Variants in CFAP70 observed in about 807,000 individuals in gnomAD.
CFAP70 encodes cilia- and flagella-associated protein 70.
In CFAP70, 81 loss-of-function variants were observed where a neutral mutation model predicts 137.6. That is an observed-to-expected ratio of 0.59 (90% confidence interval 0.49 to 0.71). The LOEUF (loss-of-function observed/expected upper bound fraction) is 0.71. Among genes scored for constraint, CFAP70 ranks in the 30% least tolerant of loss-of-function variants. CFAP70 has a pLI of 0.00. For synonymous variants in CFAP70, 382 were observed against 423.6 expected (o/e 0.90, Z 1.20); for missense variants, 976 against 1,226.7 (o/e 0.80, Z 3.05).
At chr10:73,350,985 ATATATATGTGTG>A (rs1564889086) in intron 3 of CFAP70, among the ~76,000 whole-genome samples, 1 of 143,226 alleles carries the variant, frequency 7.0e-6, no homozygotes, top group Non-Finnish European at 1.5e-5. Flanking sequence ...GTGTGTGTGT[ATATATATGTGTG>A]TATATGTGTG....
chr10:73,341,255 A>C, intron 6 of CFAP70, 144 bp downstream of exon 7: 1 of 649,060 alleles, frequency 1.5e-6, no homozygotes, highest in Non-Finnish European at 2.5e-6. Context: ...AGATATTTGA[A>C]TCAGAATTAG....
chr10:73,288,661 T>G (rs2047932146), intron 19 of CFAP70, among the ~76,000 whole-genome samples: 1 of 152,190 alleles, frequency 6.6e-6, no homozygotes, highest in South Asian at 2.1e-4. Flanking sequence ...CCACATAATC[T>G]GAGTTCCTGG....
At chr10:73,297,234 GTC>G in intron 14 of CFAP70, 61 bp from the exon 16 acceptor site, 2 of 1,545,118 alleles carry the variant, frequency 1.3e-6, no homozygotes, top group South Asian at 2.5e-5. Flanking sequence ...GAGAGCACGG[GTC>G]TCTCTAGGGC....
rs2046631680 is a variant in CFAP70 at position 73,275,315 on chromosome 10, A to G, written c.2673+131T>C. 1 of 1,046,566 alleles carries G rather than the reference A, an allele frequency of 9.6e-7. No homozygotes were observed. Among genetic ancestry groups the G allele is most frequent in the Non-Finnish European group, 1.4e-6 (1 of 729,466 alleles). The allele number at this position is 1,046,566 out of a possible 1,614,324, so 64.8% of individuals were successfully genotyped here. A position where few individuals can be genotyped will look rare whatever the true frequency, so the allele number is the denominator to read the frequency against. On this transcript the variant is annotated intron_variant, in intron 22 of 26. Coordinates refer to ENST00000310715, the Ensembl canonical transcript of CFAP70. The surrounding 1 kb of genome is among the most constrained non-coding windows in gnomAD (Gnocchi z 4.0). ...ACTTAAGAAAAGCAAATGGAAGGGT[A>G]TAGAGAGATGAGTTTACTGACAGCT...
chr10:73,256,557 G>A, intron 25 of CFAP70, 141 bp from the exon 27 acceptor site: 1 of 804,078 alleles, frequency 1.2e-6, no homozygotes, highest in Non-Finnish European at 2.0e-6. Flanking sequence ...TCTGAATTGA[G>A]AGGAAAAACT....
intron 6 of CFAP70, 81 bp from the exon 8 acceptor site, chr10:73,335,605 G>T: frequency 1.1e-6 from 1 of 936,630 alleles, no homozygotes; most frequent in Non-Finnish European, 1.6e-6. Context: ...TCTTTTAATG[G>T]ATTTGTTCAC....
chr10:73,259,247 T>C (rs563091373), intron 25 of CFAP70, among the ~76,000 whole-genome samples: 1 of 152,308 alleles, frequency 6.6e-6, no homozygotes, highest in African/African-American at 2.4e-5. Flanking sequence ...AAAACCTACA[T>C]TGAAATATTG....
At chr10:73,328,325 T>C (rs2051688104) in intron 8 of CFAP70, among the ~76,000 whole-genome samples, 2 of 151,948 alleles carry the variant, frequency 1.3e-5, no homozygotes, top group Non-Finnish European at 2.9e-5. Flanking sequence ...TTACACCTTA[T>C]ACAAAAATTA....
intron 12 of CFAP70, among the ~76,000 whole-genome samples, chr10:73,308,294 C>T (rs1160018328): frequency 1.3e-5 from 2 of 151,974 alleles, no homozygotes; most frequent in Admixed American, 6.6e-5. Flanking sequence ...CAGGGTATAC[C>T]GTATGTCAGG....
chr10:73,259,852 G>A (rs1033323743), intron 25 of CFAP70, among the ~76,000 whole-genome samples: 32 of 151,990 alleles, frequency 2.1e-4, no homozygotes, highest in African/African-American at 7.7e-4. Context: ...GCAACATGGT[G>A]AGACTCTGTC....
At chr10:73,351,285 AT>A (rs1287900855) in intron 3 of CFAP70, among the ~76,000 whole-genome samples, 1 of 150,076 alleles carries the variant, frequency 6.7e-6, no homozygotes, top group Admixed American at 6.7e-5. Flanking sequence ...CACCCAGCTA[AT>A]TTTTTGTATT....
exon 20 of CFAP70, chr10:73,278,300 A>C (rs753803399): frequency 2.5e-6 from 4 of 1,614,036 alleles, no homozygotes; most frequent in Non-Finnish European, 3.4e-6. Context: ...AGGATTCTTC[A>C]AGAAATTTGT....
At chr10:73,267,356 T>C (rs1251958382) in intron 25 of CFAP70, among the ~76,000 whole-genome samples, 1 of 152,244 alleles carries the variant, frequency 6.6e-6, no homozygotes, top group Non-Finnish European at 1.5e-5. Flanking sequence ...TAGGCTAAAC[T>C]GGGCTTCTTC....
At chr10:73,362,141 G>A (rs1435224797), upstream of CFAP70, among the ~76,000 whole-genome samples, 1 of 152,132 alleles carries the variant, frequency 6.6e-6, no homozygotes, top group African/African-American at 2.4e-5. Flanking sequence ...TGATCTACTG[G>A]GATGTGGGAG....
chr10:73,345,175 T>C, intron 4 of CFAP70: 1 of 1,614,188 alleles, frequency 6.2e-7, no homozygotes, highest in Non-Finnish European at 8.5e-7. Flanking sequence ...TTCAGTAGAT[T>C]GCCCCCTGAG....
chr10:73,317,891 G>C (rs2050530114), intron 9 of CFAP70, among the ~76,000 whole-genome samples: 2 of 151,234 alleles, frequency 1.3e-5, no homozygotes, highest in African/African-American at 2.4e-5. Context: ...TCTCATAAAT[G>C]GCTTGGTGCT....
At chr10:73,323,013 G>A (rs772771453) in exon 9 of CFAP70, 20 of 1,613,406 alleles carry the variant, frequency 1.2e-5, no homozygotes, top group Middle Eastern at 1.6e-4. Flanking sequence ...AAAGCTCCCC[G>A]AATTCTCTTC....
At chr10:73,316,517 G>A (rs866132079) in intron 9 of CFAP70, among the ~76,000 whole-genome samples, 45 of 121,480 alleles carry the variant, frequency 3.7e-4, no homozygotes, top group African/African-American at 9.6e-4. Context: ...TATATATGAC[G>A]TACACATAAA....
chr10:73,275,447 A>G lies in CFAP70; in HGVS notation c.2672T>C (p.Leu891Pro). 1 of 1,598,062 alleles carries G rather than the reference A, an allele frequency of 6.3e-7. No homozygotes were observed. The highest frequency in any genetic ancestry group is 1.7e-4 in the Middle Eastern group (1 of 5,962). The change falls in exon 22 of 27, where the codon CTG (leucine) becomes CCG (proline). Residue 891 changes from leucine (L) to proline (P), a missense_variant and splice_region_variant. Transcript: ENST00000310715. This position sits in a 1 kb window ranked among gnomAD's most constrained non-coding sequence, Gnocchi z 4.0. ...AGAGGCTTTAGCAAAAGTCATTACC[A>G]GGTAGTCCATCTGGGCTGCTTGTTG...
Sources: gnomAD v4.1 joint callset for allele counts (sites outside exome capture counted in the v4.1 genomes callset) on GRCh38, gnomAD v4.1.1 for gene constraint, Gnocchi (gnomAD v3.1) non-coding constraint, MANE v1.5 for transcripts, NCBI Gene and HGNC (gene_info 2026-07-23, HGNC 2026-07-21) for gene names.